Variants in SCARA3 observed in about 807,000 individuals in gnomAD.
SCARA3 encodes cellular stress response gene protein.
A neutral mutation model predicts 47.0 loss-of-function variants in SCARA3; 39 were observed. The ratio of observed to expected loss-of-function variants is 0.83; its 90% CI spans 0.64 to 1.08. The LOEUF is 1.08. SCARA3 is among the 50% of genes least tolerant of loss of function. The pLI is 0.00. For missense variants in SCARA3, 724 were observed against 792.3 expected, an observed-to-expected ratio of 0.91 and a Z score of 1.04; for synonymous variants, 356 against 334.1, an observed-to-expected ratio of 1.07 and a Z score of -0.71.
chr8:27,660,478 G>C (rs968379991), intron 5 of SCARA3, among the ~76,000 whole-genome samples: 12 of 143,532 alleles, frequency 8.4e-5, no homozygotes, highest in Non-Finnish European at 1.1e-4. Flanking sequence ...TAGATGATAG[G>C]GATGATAGAA....
the SCARA3 span, among the ~76,000 whole-genome samples, chr8:27,717,575 G>A: frequency 1.4e-4 from 21 of 152,188 alleles, no homozygotes; most frequent in Non-Finnish European, 2.8e-4. Context: ...ACTTGAGGTC[G>A]CGGGTTCAAG....
the SCARA3 span, among the ~76,000 whole-genome samples, chr8:27,700,840 G>A: frequency 6.6e-6 from 1 of 152,200 alleles, no homozygotes; most frequent in Non-Finnish European, 1.5e-5. Context: ...TGGTGAAACT[G>A]TGAAGTGGTA....
chr8:27,709,650 C>A, the SCARA3 span, among the ~76,000 whole-genome samples: 1 of 152,212 alleles, frequency 6.6e-6, no homozygotes, highest in Admixed American at 6.5e-5. Context: ...CTTTGTCCTG[C>A]AGGCAGCTGC....
chr8:27,635,344 A>G (rs1334204794), intron 1 of SCARA3, among the ~76,000 whole-genome samples: 2 of 152,176 alleles, frequency 1.3e-5, no homozygotes, highest in African/African-American at 2.4e-5. Flanking sequence ...AGGCCCAAGC[A>G]GGTAGGGCTG....
At chr8:27,705,223 C>T in the SCARA3 span, among the ~76,000 whole-genome samples, 5 of 152,138 alleles carry the variant, frequency 3.3e-5, no homozygotes, top group South Asian at 2.1e-4. Flanking sequence ...AGGGGCAGGT[C>T]GAAGGAGCCT....
At position 27,656,832 on chromosome 8, in the gene SCARA3, A is replaced by G. The variant is rs1801753561; in HGVS notation, c.277A>G (p.Ile93Val). ...CGAAGACATCTCCTTGACCCAGTCT[A>G]TTTATGACAAGAAGCTTGTGTTAAT... Reference protein sequence around the residue: ...LSEDISLTQSIYDKKLVLMQK... With the variant: ...LSEDISLTQSVYDKKLVLMQK... The change falls in exon 4 of 6, where the codon ATT (isoleucine) becomes GTT (valine). Residue 93 changes from isoleucine (I) to valine (V), a missense_variant. Physicochemically the swap from Ile to Val is conservative, Grantham distance 29. Transcript: ENST00000301904. 6.2e-7 allele frequency: 1 copy of G among 1,613,242 alleles called. No individual in the cohort carries two copies. The highest frequency in any genetic ancestry group is 8.5e-7 in the Non-Finnish European group (1 of 1,179,286).
At chr8:27,647,623 G>A (rs918955830) in intron 1 of SCARA3, among the ~76,000 whole-genome samples, 2 of 152,238 alleles carry the variant, frequency 1.3e-5, no homozygotes, top group African/African-American at 4.8e-5. Flanking sequence ...CTGAAGCGCT[G>A]GGGAAGAGAG....
intron 1 of SCARA3, among the ~76,000 whole-genome samples, chr8:27,641,075 A>T (rs1414689916): frequency 6.6e-6 from 1 of 152,224 alleles, no homozygotes; most frequent in African/African-American, 2.4e-5. Flanking sequence ...TCCCCTGGAG[A>T]TGGGCATTTT....
chr8:27,714,345 C>T, the SCARA3 span, among the ~76,000 whole-genome samples: 1 of 152,012 alleles, frequency 6.6e-6, no homozygotes, highest in Non-Finnish European at 1.5e-5. Flanking sequence ...CAGGTGCCCG[C>T]CACCACGCCC....
At chr8:27,669,079 G>A (rs1388051412) in intron 5 of SCARA3, among the ~76,000 whole-genome samples, 2 of 152,218 alleles carry the variant, frequency 1.3e-5, no homozygotes, top group Non-Finnish European at 1.5e-5. Context: ...AGTGGAGAGA[G>A]TGGAGTACCA....
chr8:27,652,610 T>C (rs1801655976), intron 3 of SCARA3, among the ~76,000 whole-genome samples: 2 of 152,182 alleles, frequency 1.3e-5, no homozygotes, highest in South Asian at 4.1e-4. Context: ...CTTCTTAGCT[T>C]GAAGGCAAGA....
intron 1 of SCARA3, among the ~76,000 whole-genome samples, chr8:27,644,617 A>T (rs1801452455): frequency 6.8e-6 from 1 of 147,484 alleles, no homozygotes; most frequent in East Asian, 2.0e-4. Context: ...TGAAGAAAAG[A>T]AGGGGAGAGA....
At chr8:27,663,682 A>G (rs1370104196) in intron 5 of SCARA3, among the ~76,000 whole-genome samples, 3 of 152,148 alleles carry the variant, frequency 2.0e-5, no homozygotes, top group African/African-American at 7.2e-5. Context: ...TCTATGGAGA[A>G]TGGGAGGGCT....
At chr8:27,679,727 A>T (rs564595196), downstream of SCARA3, 1 of 152,354 alleles carries the variant, frequency 6.6e-6, no homozygotes, top group East Asian at 1.9e-4. Context: ...GCCATAAGGT[A>T]AGTCTCAATG....
downstream of SCARA3, among the ~76,000 whole-genome samples, chr8:27,675,501 T>C (rs911176251): frequency 2.6e-5 from 4 of 152,184 alleles, no homozygotes; most frequent in Non-Finnish European, 5.9e-5. Context: ...GACTCTGTGC[T>C]TGGTGTGGCA....
chr8:27,634,763 C>A lies in SCARA3; in HGVS notation c.7+556C>A, dbSNP rs543767282. 7.2e-5 allele frequency among the ~76,000 whole-genome samples: 11 copies of A among 152,308 alleles called. No individual in the cohort carries two copies. In the South Asian group the frequency reaches 2.1e-3, roughly 29 times the overall value. Reference sequence around the variant, plus strand: ...TCTGACCTCCTTGGGAGGAAGCCGCCGGGGAAGCCCCATGGGCCAGGACTG... The same window carrying A: ...TCTGACCTCCTTGGGAGGAAGCCGCAGGGGAAGCCCCATGGGCCAGGACTG... On this transcript the variant is annotated intron_variant, in intron 1 of 5. Coordinates refer to ENST00000301904, the MANE Select transcript of SCARA3 (RefSeq NM_016240.3).
intron 3 of SCARA3, among the ~76,000 whole-genome samples, chr8:27,655,652 A>G (rs1398407154): frequency 6.6e-6 from 1 of 152,208 alleles, no homozygotes. Flanking sequence ...ACACATAACC[A>G]TCATATATAA....
chr8:27,717,950 C>A, the SCARA3 span, among the ~76,000 whole-genome samples: 1 of 152,192 alleles, frequency 6.6e-6, no homozygotes, highest in Non-Finnish European at 1.5e-5. Flanking sequence ...ACCGCATCCT[C>A]TCAATCCTAC....
intron 3 of SCARA3, among the ~76,000 whole-genome samples, chr8:27,652,715 C>G (rs1801659030): frequency 1.3e-5 from 2 of 152,236 alleles, no homozygotes; most frequent in African/African-American, 4.8e-5. Flanking sequence ...CTGCTCTGTG[C>G]CAGGCACTGG....
Sources: gnomAD v4.1 joint callset for allele counts (sites outside exome capture counted in the v4.1 genomes callset) on GRCh38, gnomAD v4.1.1 for gene constraint, MANE v1.5 for transcripts, NCBI Gene and HGNC (gene_info 2026-07-23, HGNC 2026-07-21) for gene names.